ZNF274: variants seen among roughly 807,000 people sequenced by gnomAD.
ZNF274 encodes zinc finger protein 274, also known as neurotrophin receptor-interacting factor homolog.
Under a neutral mutation model 42.5 loss-of-function variants are expected in ZNF274, and 23 were observed. That is an observed-to-expected ratio of 0.54 (90% CI 0.39 to 0.77). The LOEUF is 0.77. Among genes scored for constraint, ZNF274 ranks in the 30% least tolerant of loss-of-function variants. ZNF274 has a pLI of 0.00. For synonymous variants in ZNF274, 292 were observed against 305.4 expected (o/e 0.96, Z 0.46); for missense variants, 679 against 806.5 (o/e 0.84, Z 1.91).
At chr19:58,200,731 G>C (rs1375137565) in intron 4 of ZNF274, among the ~76,000 whole-genome samples, 1 of 152,188 alleles carries the variant, frequency 6.6e-6, no homozygotes, top group Non-Finnish European at 1.5e-5. Context: ...TCAAGGACAT[G>C]AAATAACAGG....
intron 4 of ZNF274, among the ~76,000 whole-genome samples, chr19:58,200,758 C>T (rs2075900515): frequency 6.6e-6 from 1 of 152,154 alleles, no homozygotes; most frequent in South Asian, 2.1e-4. Flanking sequence ...AACCCGGCTC[C>T]TTTGTTGCCC....
chr19:58,208,502 G>A lies in ZNF274; in HGVS notation c.739+1300G>A, dbSNP rs1014939240. 9.2e-5 allele frequency: 14 copies of A among 152,264 alleles called. No individual in the cohort carries two copies. Among genetic ancestry groups the A allele is most frequent in the African/African-American group, 3.4e-4 (14 of 41,454 alleles). 9.4% of individuals were successfully genotyped at this position (152,264 alleles called of 1,614,324 possible). A position where few individuals can be genotyped will look rare whatever the true frequency, so the allele number is the denominator to read the frequency against. ...AGAGATGCACTGGATTATTTGAGTG[G>A]ATCTAACATAACCACAGGGGCCCTT... is the stretch of plus-strand genomic sequence containing the variant. On this transcript the variant is annotated intron_variant, in intron 5 of 7. Transcript: ENST00000617501. The surrounding 1 kb of genome is among the most constrained non-coding windows in gnomAD (Gnocchi z 4.5).
At chr19:58,189,654 A>AT (rs1202804831) in intron 4 of ZNF274, among the ~76,000 whole-genome samples, 1 of 152,102 alleles carries the variant, frequency 6.6e-6, no homozygotes, top group Non-Finnish European at 1.5e-5. Flanking sequence ...TTAGCGATCT[A>AT]TTTCTCCAGA....
intron 5 of ZNF274, chr19:58,209,083 G>C (rs764084025): frequency 3.9e-5 from 6 of 152,292 alleles, no homozygotes; most frequent in Non-Finnish European, 7.3e-5. Flanking sequence ...GCATCAGGCA[G>C]GGCTGGACCC....
chr19:58,200,708 G>C (rs1456281923), intron 4 of ZNF274, among the ~76,000 whole-genome samples: 1 of 152,162 alleles, frequency 6.6e-6, no homozygotes. Context: ...GGCTGTGGGA[G>C]ACCCCTTTAG....
At chr19:58,210,197 C>T (rs968152943) in intron 6 of ZNF274, 124 bp downstream of exon 6, 10 of 712,580 alleles carry the variant, frequency 1.4e-5, no homozygotes, top group Admixed American at 2.6e-5. Flanking sequence ...TTCTGAGATT[C>T]TGAGCTCTTA....
At chr19:58,210,202 C>A in intron 6 of ZNF274, 129 bp downstream of exon 6, 1 of 683,508 alleles carries the variant, frequency 1.5e-6, no homozygotes, top group South Asian at 1.8e-5. Flanking sequence ...AGATTCTGAG[C>A]TCTTAGGTCT....
chr19:58,211,598 C>G lies in ZNF274; in HGVS notation c.891C>G (p.Ser297Arg). ...TCCAGGATGTGGCTGTGGACTTCAG[C>G]CGGGAGGAGTGGGGGCTGCTGGGCC... is the stretch of plus-strand genomic sequence containing the variant. ...VTFQDVAVDF[S>R]REEWGLLGPT... is the part of the protein sequence containing the mutation. Residue 297 changes from serine (S) to arginine (R), a missense_variant, in exon 7 of 8, where the codon AGC (serine) becomes AGG (arginine). By Grantham distance (110) the Ser-to-Arg change is moderately radical (BLOSUM62 -1). Around this residue, in one of 2 missense-constraint regions of ZNF274, gnomAD observed 456 missense variants for 590.1 expected, o/e 0.77. Transcript: ENST00000617501. This position sits in a 1 kb window ranked among gnomAD's most constrained non-coding sequence, Gnocchi z 4.8. 6.2e-7 allele frequency: 1 copy of G among 1,613,598 alleles called. No homozygotes were observed. Among genetic ancestry groups the G allele is most frequent in the Non-Finnish European group, 8.5e-7 (1 of 1,179,678 alleles).
Position 58,212,943 on chromosome 19 carries a change from G to A in ZNF274, c.1762G>A (p.Ala588Thr), listed in dbSNP as rs1411138760. 2.0e-5 allele frequency: 32 copies of A among 1,613,968 alleles called. No homozygotes were observed. Among genetic ancestry groups the A allele is most frequent in the Non-Finnish European group, 2.7e-5 (32 of 1,179,888 alleles). The part of the protein sequence containing the change: ...ISQHLRTHTG[A>T]KPYKCQDCGK... ...CCAGCACCTGAGGACTCACACTGGC[G>A]CTAAGCCCTACAAGTGTCAGGACTG... The change falls in exon 8 of 8, where the codon GCT becomes ACT. Residue 588 changes from alanine (A) to threonine (T), a missense_variant. By Grantham distance (58) the Ala-to-Thr change is moderately conservative. Transcript: ENST00000617501. This position sits in a 1 kb window ranked among gnomAD's most constrained non-coding sequence, Gnocchi z 4.6.
chr19:58,207,140 C>G lies in ZNF274; in HGVS notation c.677C>G (p.Pro226Arg). 1 of 1,613,338 alleles carries G rather than the reference C, an allele frequency of 6.2e-7. No homozygotes were observed. The highest frequency in any genetic ancestry group is 8.5e-7 in the Non-Finnish European group (1 of 1,179,708). The change falls in exon 5 of 8, where the codon CCA (proline) becomes CGA (arginine). Residue 226 changes from proline to arginine, a missense_variant. This residue lies in a region of ZNF274 where 456 missense variants were observed against 590.1 expected (regional missense o/e 0.77). Transcript: ENST00000617501. This position sits in a 1 kb window ranked among gnomAD's most constrained non-coding sequence, Gnocchi z 5.6. Reference sequence around the variant, plus strand: ...CGGACATGGGTGGAATCGCAGCACCCAGAGAACTGCCAAGAGGTGGTGGCC... The same window carrying G: ...CGGACATGGGTGGAATCGCAGCACCGAGAGAACTGCCAAGAGGTGGTGGCC... ...KLRTWVESQH[P>R]ENCQEVVALV...
intron 2 of ZNF274, 96 bp from the exon 3 acceptor site, chr19:58,185,616 C>A: frequency 7.6e-7 from 1 of 1,313,834 alleles, no homozygotes; most frequent in African/African-American, 1.5e-5. Context: ...ATCTTGTAGA[C>A]CATTCTGTGC....
chr19:58,188,174 A>G (rs535150246), intron 4 of ZNF274, among the ~76,000 whole-genome samples: 26 of 152,212 alleles, frequency 1.7e-4, no homozygotes, highest in African/African-American at 6.3e-4. Flanking sequence ...TAAATATGGA[A>G]CTACAAGATC....
intron 4 of ZNF274, among the ~76,000 whole-genome samples, chr19:58,196,631 GGTGA>G (rs1431209911): frequency 3.9e-5 from 6 of 152,160 alleles, no homozygotes; most frequent in African/African-American, 1.4e-4. Context: ...AGTTTGATGA[GGTGA>G]GTGTTTTATT....
intron 4 of ZNF274, among the ~76,000 whole-genome samples, chr19:58,201,013 T>G (rs1275295372): frequency 1.4e-5 from 2 of 140,480 alleles, no homozygotes; most frequent in East Asian, 2.0e-4. Flanking sequence ...GTTTGTTTTG[T>G]TTTTTTTTTT....
Position 58,208,532 on chromosome 19 carries a change from G to A in ZNF274, c.739+1330G>A, listed in dbSNP as rs1391748387. ...AACATAACCACAGGGGCCCTTAGGA[G>A]AGGGAGGCTGGAGGGTCAGAGGAGA... is the stretch of plus-strand genomic sequence containing the variant. On this transcript the variant is annotated intron_variant, in intron 5 of 7. Coordinates refer to ENST00000617501, the MANE Select transcript of ZNF274 (RefSeq NM_133502.3). The surrounding 1 kb of genome is among the most constrained non-coding windows in gnomAD (Gnocchi z 4.5). 1.3e-5 allele frequency: 2 copies of A among 152,288 alleles called. No homozygotes were observed. The highest frequency in any genetic ancestry group is 2.4e-5 in the African/African-American group (1 of 41,460). The allele number at this position is 152,288 out of a possible 1,614,324, so 9.4% of individuals were successfully genotyped here.
intron 1 of ZNF274, 78 bp from the exon 2 acceptor site, chr19:58,183,843 T>C (rs763076166): frequency 3.0e-6 from 3 of 1,000,944 alleles, no homozygotes; most frequent in Non-Finnish European, 4.4e-6. Context: ...GAGGGAGCCG[T>C]TCCTGGGCGG....
chr19:58,193,039 AT>A (rs918763792), intron 4 of ZNF274, among the ~76,000 whole-genome samples: 206 of 143,578 alleles, frequency 1.4e-3, no homozygotes, highest in East Asian at 1.6e-3. Flanking sequence ...CACATCATTC[AT>A]TTTTTTTTTT....
intron 4 of ZNF274, among the ~76,000 whole-genome samples, chr19:58,188,775 A>C (rs896382625): frequency 1.4e-5 from 2 of 144,480 alleles, no homozygotes; most frequent in Non-Finnish European, 3.0e-5. Flanking sequence ...TAATCCCAGC[A>C]ATTTGGGAGT....
intron 4 of ZNF274, among the ~76,000 whole-genome samples, chr19:58,198,469 C>CAG (rs5828752): frequency 0.7 from 106,966 of 151,944 alleles, 37,949 homozygotes; most frequent in African/African-American, 0.78. Flanking sequence ...TGGAACAGTA[C>CAG]AGAAGATGAG....
Sources: allele counts gnomAD v4.1 joint callset (sites outside exome capture counted in the v4.1 genomes callset), GRCh38; gene constraint gnomAD v4.1.1; regional missense constraint gnomAD v4.1.1; non-coding constraint Gnocchi (gnomAD v3.1); transcripts MANE v1.5; gene names NCBI Gene and HGNC (gene_info 2026-07-23, HGNC 2026-07-21).